The following NLRP13 variants were observed in gnomAD, a reference collection of about 807,000 sequenced individuals.
NLRP13 encodes the protein NACHT, LRR and PYD domains-containing protein 13.
In NLRP13, 82 loss-of-function variants were observed where a neutral mutation model predicts 94.4. The ratio of observed to expected loss-of-function variants is 0.87; its 90% CI spans 0.73 to 1.04. The LOEUF (loss-of-function observed/expected upper bound fraction) is 1.04. NLRP13 is among the 50% of genes least tolerant of loss of function. The probability of loss-of-function intolerance (pLI) is 0.00; values close to 1 mark genes in which losing one functional copy is unlikely to be tolerated. For synonymous variants in NLRP13, 553 were observed against 464.7 expected (o/e 1.19, Z -2.45); for missense variants, 1,426 against 1,230.8 (o/e 1.16, Z -2.37).
chr19:55,931,357 G>C (rs772024381), intron 1 of NLRP13, among the ~76,000 whole-genome samples: 2 of 152,044 alleles, frequency 1.3e-5, no homozygotes, highest in Non-Finnish European at 2.9e-5. Context: ...CATGAAATCT[G>C]TGCTGCACTC....
chr19:55,898,898 C>G lies in NLRP13; in HGVS notation c.2829G>C (p.Glu943Asp), dbSNP rs377054788. 1 of 1,612,072 alleles carries G rather than the reference C, an allele frequency of 6.2e-7. No individual in the cohort carries two copies. The highest frequency in any genetic ancestry group is 1.3e-5 in the African/African-American group (1 of 74,836). The change falls in exon 10 of 11, where the codon GAG (glutamate) becomes GAC (aspartate). Residue 943 changes from glutamate to aspartate, a missense_variant. Coordinates refer to ENST00000342929, the MANE Select transcript of NLRP13 (RefSeq NM_176810.2). ...GCSFTREGCGELANALSHNHN... is the reference protein window; with the variant it reads ...GCSFTREGCGDLANALSHNHN... ...GATTATGGCTGAGGGCATTAGCCAGCTCTCCACAGCCCTCTCTTGTGAAAG... is the reference window on the plus strand; with the variant it reads ...GATTATGGCTGAGGGCATTAGCCAGGTCTCCACAGCCCTCTCTTGTGAAAG...
intron 4 of NLRP13, among the ~76,000 whole-genome samples, chr19:55,921,152 C>T (rs1333353833): frequency 6.6e-6 from 1 of 152,102 alleles, no homozygotes; most frequent in African/African-American, 2.4e-5. Flanking sequence ...ACGAGAAATT[C>T]CTTTAATAGG....
chr19:55,913,040 C>A lies in NLRP13; in HGVS notation c.777G>T (p.Gln259His). 1 of 1,614,112 alleles carries A rather than the reference C, an allele frequency of 6.2e-7. No homozygotes were observed. The highest frequency in any genetic ancestry group is 8.5e-7 in the Non-Finnish European group (1 of 1,180,000). ...MLHWANGVLF[Q>H]QRFSYVFYLS... ...GATAGAAAACATAGGAGAACCTTTGCTGAAAGAGAACTCCATTTGCCCAGT... is the reference window on the plus strand; with the variant it reads ...GATAGAAAACATAGGAGAACCTTTGATGAAAGAGAACTCCATTTGCCCAGT... The change falls in exon 5 of 11, where the codon CAG becomes CAT. Residue 259 changes from glutamine (Q) to histidine (H), a missense_variant. Physicochemically the swap from Gln to His is conservative, Grantham distance 24. Coordinates refer to ENST00000342929, the MANE Select transcript of NLRP13 (RefSeq NM_176810.2).
At position 55,923,979 on chromosome 19, in the gene NLRP13, C is replaced by A; in HGVS notation, c.458G>T (p.Gly153Val). 1 of 1,612,884 alleles carries A rather than the reference C, an allele frequency of 6.2e-7. No homozygotes were observed. Among genetic ancestry groups the A allele is most frequent in the Non-Finnish European group, 8.5e-7 (1 of 1,179,070 alleles). Residue 153 changes from glycine to valine, a missense_variant and splice_region_variant, in exon 4 of 11, where the codon GGG (glycine) becomes GTG (valine). By Grantham distance (109) the Gly-to-Val change is moderately radical. Coordinates refer to ENST00000342929, the MANE Select transcript of NLRP13 (RefSeq NM_176810.2). ...EELDELEEETGNVQAQGCQDP... is the reference protein window; with the variant it reads ...EELDELEEETVNVQAQGCQDP... ...TTGGCATCCCTGGGCCTGTACATTC[C>A]CTGAAATAAACAGTGATGATGAGAT...
At position 55,904,987 on chromosome 19, in the gene NLRP13, A is replaced by C. The variant is rs1986294432; in HGVS notation, c.2573T>G (p.Leu858Trp). ...NRLQDDGIKL[L>W]CAALTHPKCA... Reference sequence around the variant, plus strand: ...CTTGGGGTGAGTCAGGGCCGCACACAATAGCTTTATGCCATCATCTTGGAG... The same window carrying C: ...CTTGGGGTGAGTCAGGGCCGCACACCATAGCTTTATGCCATCATCTTGGAG... Residue 858 changes from leucine (L) to tryptophan (W), a missense_variant, in exon 8 of 11, where the codon TTG becomes TGG. Leu to Trp is a moderately conservative substitution (Grantham distance 61). Transcript: ENST00000342929. 6.2e-7 allele frequency: 1 copy of C among 1,613,962 alleles called. No homozygotes were observed.
At chr19:55,926,300 G>A (rs937727722) in intron 1 of NLRP13, among the ~76,000 whole-genome samples, 6 of 152,194 alleles carry the variant, frequency 3.9e-5, no homozygotes, top group African/African-American at 1.4e-4. Context: ...GAACAGCCTA[G>A]CAGGACTAGT....
chr19:55,912,282 A>G lies in NLRP13; in HGVS notation c.1535T>C (p.Phe512Ser), dbSNP rs546606789. ...DTEIEGLEVP[F>S]IDSLYEFNIL... ...ATTGAACTCGTAGAGAGAATCAATG[A>G]AAGGCACTTCCAGGCCCTCGATCTC... Residue 512 changes from phenylalanine to serine, a missense_variant, in exon 5 of 11, where the codon TTC becomes TCC. By Grantham distance (155) the Phe-to-Ser change is radical (BLOSUM62 -2). Coordinates refer to ENST00000342929, the MANE Select transcript of NLRP13 (RefSeq NM_176810.2). 6.2e-7 allele frequency: 1 copy of G among 1,614,146 alleles called. No individual in the cohort carries two copies. The highest frequency in any genetic ancestry group is 1.3e-5 in the African/African-American group (1 of 75,058).
intron 3 of NLRP13, 44 bp downstream of exon 3, chr19:55,924,546 T>C: frequency 7.3e-7 from 1 of 1,374,654 alleles, no homozygotes; most frequent in African/African-American, 1.4e-5. Flanking sequence ...AAACGAGTGT[T>C]CCATCAAGCA....
At chr19:55,901,374 T>G (rs1333259087) in intron 9 of NLRP13, among the ~76,000 whole-genome samples, 1 of 152,122 alleles carries the variant, frequency 6.6e-6, no homozygotes, top group Non-Finnish European at 1.5e-5. Flanking sequence ...ACGTTTGAAC[T>G]TTTTCTTAGA....
At position 55,904,548 on chromosome 19, in the gene NLRP13, C is replaced by T. The variant is rs1461984370; in HGVS notation, c.2618+394G>A. On this transcript the variant is annotated intron_variant, in intron 8 of 10. Coordinates refer to ENST00000342929, the MANE Select transcript of NLRP13 (RefSeq NM_176810.2). The stretch of plus-strand genomic sequence containing the variant: ...TCCCTGTCATTCTACTCTCGTTCTA[C>T]TTTGTTTTTCTTCATATCTATTGTT... Among the ~76,000 whole-genome samples, 3 of 152,208 alleles carry T rather than the reference C, an allele frequency of 2.0e-5. No individual in the cohort carries two copies. The East Asian group carries it at 5.8e-4, about 29-fold the overall frequency.
intron 1 of NLRP13, among the ~76,000 whole-genome samples, chr19:55,925,747 G>A (rs1600278750): frequency 2.0e-5 from 3 of 152,132 alleles, no homozygotes; most frequent in Non-Finnish European, 4.4e-5. Context: ...TACCTTGTAA[G>A]GGATTTGCAT....
chr19:55,930,848 C>G (rs11670308), intron 1 of NLRP13, among the ~76,000 whole-genome samples: 20,707 of 127,900 alleles, frequency 0.16, 1,875 homozygotes, highest in African/African-American at 0.25. Flanking sequence ...TAAGACCAGA[C>G]GGCTTACAGG....
chr19:55,913,093 T>G lies in NLRP13; in HGVS notation c.724A>C (p.Thr242Pro). 6.2e-7 allele frequency: 1 copy of G among 1,614,156 alleles called. No homozygotes were observed. Among genetic ancestry groups the G allele is most frequent in the Non-Finnish European group, 8.5e-7 (1 of 1,180,016 alleles). The stretch of plus-strand genomic sequence containing the variant: ...AGCATAGCCTGCATTGCCAAGGTGG[T>G]CTTCCCAACCCCTGCCCTCCCCACC... ...VLVGRAGVGKTTLAMQAMLHW... is the reference protein window; with the variant it reads ...VLVGRAGVGKPTLAMQAMLHW... The change falls in exon 5 of 11, where the codon ACC becomes CCC. Residue 242 changes from threonine to proline, a missense_variant. By Grantham distance (38) the Thr-to-Pro change is conservative. Coordinates refer to ENST00000342929, the MANE Select transcript of NLRP13 (RefSeq NM_176810.2).
chr19:55,915,572 T>C (rs947793319), intron 4 of NLRP13, among the ~76,000 whole-genome samples: 1 of 152,172 alleles, frequency 6.6e-6, no homozygotes, highest in Non-Finnish European at 1.5e-5. Flanking sequence ...TACTCCAGCC[T>C]GGGCAACGGG....
At position 55,921,649 on chromosome 19, in the gene NLRP13, G is replaced by C. The variant is rs143256469; in HGVS notation, c.523+2265C>G. Among the ~76,000 whole-genome samples, 872 of 152,256 alleles carry C rather than the reference G, an allele frequency of 5.7e-3. 6 individuals carry two copies. Among genetic ancestry groups the C allele is most frequent in the African/African-American group, 0.02 (832 of 41,548 alleles). On this transcript the variant is annotated intron_variant, in intron 4 of 10. Transcript: ENST00000342929. ...TTATGATCCCAGAAAAAGAGATTAA[G>C]TTAAGGATCTGGAGAAGAGGAACTT...
chr19:55,930,898 A>ATATATATATATATATATATATATAT, intron 1 of NLRP13, among the ~76,000 whole-genome samples: 2 of 104,892 alleles, frequency 1.9e-5, no homozygotes, highest in African/African-American at 7.7e-5. Flanking sequence ...ATATATATAT[A>ATATATATATATATATATATATATAT]AAATTTTAAC....
At position 55,932,147 on chromosome 19, in the gene NLRP13, G is replaced by T. The variant is rs1209164938; in HGVS notation, c.165C>A (p.Ile55=). The change falls in exon 1 of 11, where the codon ATC becomes ATA. Residue 55 remains isoleucine (I), a synonymous_variant. Coordinates refer to ENST00000342929, the MANE Select transcript of NLRP13 (RefSeq NM_176810.2). ...CGGCAGCTCTCAAGTTTGCCCAGGG[G>T]ATACGCGGGAAGTGCCCCTGGGGGG... ...WSAPQGHFPR[I]PWANLRAADP... The T allele has an allele frequency of 6.2e-7, 1 of 1,614,194 alleles. No individual in the cohort carries two copies. The highest frequency in any genetic ancestry group is 1.7e-5 in the Admixed American group (1 of 60,024).
Position 55,912,549 on chromosome 19 carries a change from C to G in NLRP13, c.1268G>C (p.Ser423Thr). 1 of 1,614,096 alleles carries G rather than the reference C, an allele frequency of 6.2e-7. No homozygotes were observed. The highest frequency in any genetic ancestry group is 8.5e-7 in the Non-Finnish European group (1 of 1,179,984). The change falls in exon 5 of 11, where the codon AGT (serine) becomes ACT (threonine). Residue 423 changes from serine to threonine, a missense_variant. By Grantham distance (58) the Ser-to-Thr change is moderately conservative. Transcript: ENST00000342929. Reference sequence around the variant, plus strand: ...TACGGTCCAACACACCATGGGGGCACTGCAGGAATGAAAGAGAGTTTCGTT... The same window carrying G: ...TACGGTCCAACACACCATGGGGGCAGTGCAGGAATGAAAGAGAGTTTCGTT... ...RKNETLFHSC[S>T]APMVCWTVCS...
In NLRP13 at chr19:55,924,966, CCTG is replaced by C; in HGVS notation, c.386_388del (p.Ala129del). On this transcript the variant is annotated inframe_deletion and splice_region_variant, in exon 2 of 11. Coordinates refer to ENST00000342929, the MANE Select transcript of NLRP13 (RefSeq NM_176810.2). ...TTATCAACTTAAAGTAGTGTACACACCTGCTGCTGCTTCTAGCATCTCTAGATC... is the reference window on the plus strand; with the variant it reads ...TTATCAACTTAAAGTAGTGTACACACCTGCTGCTTCTAGCATCTCTAGATC... 6.2e-7 allele frequency: 1 copy of C among 1,613,788 alleles called. No homozygotes were observed. Among genetic ancestry groups the C allele is most frequent in the Non-Finnish European group, 8.5e-7 (1 of 1,179,672 alleles).
Sources: allele counts gnomAD v4.1 joint callset (sites outside exome capture counted in the v4.1 genomes callset), GRCh38; gene constraint gnomAD v4.1.1; transcripts MANE v1.5; gene names NCBI Gene and HGNC (gene_info 2026-07-23, HGNC 2026-07-21).